The following MYOM2 variants were observed in gnomAD, a reference collection of about 807,000 sequenced individuals.
MYOM2 encodes the protein myomesin-2.
MYOM2 carries 254 observed loss-of-function variants against 187.6 expected under a neutral mutation model. The observed-to-expected ratio is 1.35, with a 90% CI of 1.22 to 1.50. MYOM2 has a LOEUF of 1.50. Among genes scored for constraint, MYOM2 ranks in the 40% most tolerant of loss-of-function variants. MYOM2 has a pLI of 0.00. For synonymous variants in MYOM2, 981 were observed against 753.8 expected (o/e 1.30, Z -4.94); for missense variants, 2,796 against 1,924.0 (o/e 1.45, Z -8.48).
In MYOM2 at chr8:2,092,401, G is replaced by A. The variant is rs771909665; in HGVS notation, c.1884G>A (p.Val628=). 3 of 1,614,166 alleles carry A rather than the reference G, an allele frequency of 1.9e-6. No homozygotes were observed. Among genetic ancestry groups the A allele is most frequent in the Non-Finnish European group, 2.5e-6 (3 of 1,180,022 alleles). Residue 628 remains valine, a synonymous_variant, in exon 16 of 37, where the codon GTG becomes GTA. Transcript: ENST00000262113. ...CTTCCCGAAACACCAAGACGTCGGT[G>A]GTGGTGCAGTGGGACCGACCTAAGC... The part of the protein sequence containing the change: ...VLASRNTKTS[V]VVQWDRPKHE...
chr8:2,047,778 A>G (rs1818356187), intron 1 of MYOM2, among the ~76,000 whole-genome samples: 1 of 152,242 alleles, frequency 6.6e-6, no homozygotes, highest in South Asian at 2.1e-4. Flanking sequence ...TGAGGATTGC[A>G]GGAAGTGTGC....
chr8:2,070,108 C>A (rs988183287), intron 8 of MYOM2, among the ~76,000 whole-genome samples: 1 of 152,174 alleles, frequency 6.6e-6, no homozygotes, highest in Non-Finnish European at 1.5e-5. Context: ...CTGGGTGACC[C>A]ATGCTGGGTG....
At chr8:2,125,893 T>A (rs1251927140) in intron 31 of MYOM2, among the ~76,000 whole-genome samples, 10 of 151,872 alleles carry the variant, frequency 6.6e-5, no homozygotes, top group Non-Finnish European at 1.3e-4. Flanking sequence ...TGGGATTACA[T>A]GCTTGAGCCA....
chr8:2,105,874 G>T (rs1222045425), intron 21 of MYOM2, among the ~76,000 whole-genome samples: 2 of 152,072 alleles, frequency 1.3e-5, no homozygotes, highest in Non-Finnish European at 1.5e-5. Flanking sequence ...TCTGAGACTG[G>T]GTGACTTATA....
chr8:2,123,293 G>C lies in MYOM2; in HGVS notation c.3495G>C (p.Lys1165Asn). The C allele has an allele frequency of 1.2e-6, 2 of 1,613,778 alleles. No individual in the cohort carries two copies. Among genetic ancestry groups the C allele is most frequent in the Non-Finnish European group, 1.7e-6 (2 of 1,179,940 alleles). ...TKKETVFKWL[K>N]DDVLYETETL... is the part of the protein sequence containing the mutation. ...AAGAAACCGTTTTCAAATGGCTCAA[G>C]GATGATGTTCTGTATGAAACGGAGA... is the stretch of plus-strand genomic sequence containing the variant. Residue 1165 changes from lysine to asparagine, a missense_variant, in exon 29 of 37, where the codon AAG becomes AAC. By Grantham distance (94) the Lys-to-Asn change is moderately conservative (BLOSUM62 0). Transcript: ENST00000262113.
intron 4 of MYOM2, 40 bp from the exon 5 acceptor site, chr8:2,057,583 C>A (rs376286367): frequency 2.5e-6 from 4 of 1,612,886 alleles, no homozygotes; most frequent in Non-Finnish European, 3.4e-6. Context: ...GAGCTTGGCT[C>A]GCTGCCTGGG....
chr8:2,117,910 C>G lies in MYOM2; in HGVS notation c.3411C>G (p.His1137Gln), dbSNP rs138877703. 1.2e-6 allele frequency: 2 copies of G among 1,613,152 alleles called. No individual in the cohort carries two copies. Among genetic ancestry groups the G allele is most frequent in the Non-Finnish European group, 1.7e-6 (2 of 1,179,652 alleles). ...GCCCTCATTTTGCTGAGTACTTGCA[C>G]TGGGATGTCACGGAAGAATGTGAAG... ...KQGPHFAEYL[H>Q]WDVTEECEVR... The change falls in exon 28 of 37, where the codon CAC (histidine) becomes CAG (glutamine). Residue 1137 changes from histidine to glutamine, a missense_variant. Transcript: ENST00000262113.
intron 15 of MYOM2, among the ~76,000 whole-genome samples, chr8:2,091,016 C>CTTTT (rs35873643): frequency 0.31 from 27,055 of 86,008 alleles, 3,452 homozygotes; most frequent in East Asian, 0.38. Context: ...AATGATAGTT[C>CTTTT]TTTTTTTTTT....
At position 2,072,476 on chromosome 8, in the gene MYOM2, C is replaced by CG; in HGVS notation, c.928dup (p.Val310GlyfsTer11). On this transcript the variant is annotated frameshift_variant, in exon 9 of 37. Coordinates refer to ENST00000262113, the MANE Select transcript of MYOM2 (RefSeq NM_003970.4). LOFTEE classifies it high-confidence loss of function. The stretch of plus-strand genomic sequence containing the variant: ...CATGCTGGTGACGCCGGACCTGAAG[C>CG]GGGTGCAGCCGCGCGCCGAGTGGTA... 2 of 1,613,856 alleles carry CG rather than the reference C, an allele frequency of 1.2e-6. No homozygotes were observed. The highest frequency in any genetic ancestry group is 2.7e-5 in the African/African-American group (2 of 75,060).
intron 6 of MYOM2, among the ~76,000 whole-genome samples, chr8:2,064,191 G>C (rs960423390): frequency 6.6e-6 from 1 of 152,208 alleles, no homozygotes; most frequent in Non-Finnish European, 1.5e-5. Context: ...CCCGGCCTCG[G>C]GGCAGGCAGG....
Position 2,073,416 on chromosome 8 carries a change from C to T in MYOM2, c.1036C>T (p.His346Tyr), listed in dbSNP as rs1451007556. The change falls in exon 10 of 37, where the codon CAC (histidine) becomes TAC (tyrosine). Residue 346 changes from histidine to tyrosine, a missense_variant. Physicochemically the swap from His to Tyr is moderately conservative, Grantham distance 83. Transcript: ENST00000262113. ...GQASLSFSHL[H>Y]KDDEGLYTLR... Reference sequence around the variant, plus strand: ...GGCCTCCCTGTCCTTCAGCCACCTGCACAAGGACGACGAGGGCCTGTACAC... The same window carrying T: ...GGCCTCCCTGTCCTTCAGCCACCTGTACAAGGACGACGAGGGCCTGTACAC... 1 of 1,613,234 alleles carries T rather than the reference C, an allele frequency of 6.2e-7. No individual in the cohort carries two copies. The highest frequency in any genetic ancestry group is 2.2e-5 in the East Asian group (1 of 44,842).
chr8:2,068,036 G>A (rs1014765137), intron 6 of MYOM2, among the ~76,000 whole-genome samples: 26 of 152,274 alleles, frequency 1.7e-4, no homozygotes, highest in African/African-American at 4.1e-4. Context: ...TGAGGGCTTC[G>A]ATGGGTTTTC....
rs559764860 is a variant in MYOM2, at chr8:2,095,934, A to G, written c.2126-313A>G. ...GCTTCTTTCAAGGGGCCGAGAAGAC[A>G]GAACATCTTCTGCTGTGTCAAATGT... On this transcript the variant is annotated intron_variant, in intron 17 of 36. Coordinates refer to ENST00000262113, the MANE Select transcript of MYOM2 (RefSeq NM_003970.4). Among the ~76,000 whole-genome samples the G allele has an allele frequency of 2.0e-5, 3 of 152,352 alleles. No individual in the cohort carries two copies. The East Asian group carries it at 5.8e-4, about 29-fold the overall frequency.
intron 6 of MYOM2, among the ~76,000 whole-genome samples, chr8:2,063,503 T>C (rs946382787): frequency 3.9e-5 from 6 of 152,260 alleles, no homozygotes; most frequent in Non-Finnish European, 7.3e-5. Context: ...AAGAATATGA[T>C]GTTCTCATAT....
At chr8:2,124,784 T>C (rs1256617979) in intron 31 of MYOM2, among the ~76,000 whole-genome samples, 1 of 152,190 alleles carries the variant, frequency 6.6e-6, no homozygotes, top group Non-Finnish European at 1.5e-5. Flanking sequence ...TAATAGCCAT[T>C]CTAACAGGTG....
rs1411394617 is a variant in MYOM2 at position 2,116,068 on chromosome 8, G to C, written c.3289G>C (p.Ala1097Pro). 1.2e-6 allele frequency: 2 copies of C among 1,613,760 alleles called. No homozygotes were observed. The highest frequency in any genetic ancestry group is 1.7e-6 in the Non-Finnish European group (2 of 1,179,978). Residue 1097 changes from alanine to proline, a missense_variant, in exon 26 of 37, where the codon GCC becomes CCC. Transcript: ENST00000262113. ...TYTVQIHDGK[A>P]KSQSSLVLIG... is the part of the protein sequence containing the mutation. ...CACTGTGCAGATTCATGATGGGAAAGCCAAAAGTCAGTCTTCTCTAGTTCT... is the reference window on the plus strand; with the variant it reads ...CACTGTGCAGATTCATGATGGGAAACCCAAAAGTCAGTCTTCTCTAGTTCT...
chr8:2,112,965 T>C (rs184922336), intron 25 of MYOM2, among the ~76,000 whole-genome samples: 11 of 152,354 alleles, frequency 7.2e-5, no homozygotes, highest in Non-Finnish European at 1.5e-4. Flanking sequence ...TTTTTTGTTT[T>C]GCTCATGTGG....
chr8:2,061,797 C>G (rs968397653), intron 6 of MYOM2, among the ~76,000 whole-genome samples: 2 of 152,266 alleles, frequency 1.3e-5, no homozygotes, highest in Non-Finnish European at 2.9e-5. Flanking sequence ...TAGGAAAGCT[C>G]TCCTTCTGGC....
At chr8:2,109,664 T>G in intron 25 of MYOM2, 133 bp downstream of exon 25, 1 of 983,390 alleles carries the variant, frequency 1.0e-6, no homozygotes, top group Non-Finnish European at 1.4e-6. Context: ...GCATGGAAGG[T>G]TGACAAGATG....
Sources: gnomAD v4.1 joint callset for allele counts (sites outside exome capture counted in the v4.1 genomes callset) on GRCh38, gnomAD v4.1.1 for gene constraint, MANE v1.5 for transcripts, NCBI Gene and HGNC (gene_info 2026-07-23, HGNC 2026-07-21) for gene names.